TOX2: variants seen among roughly 807,000 people sequenced by gnomAD.
TOX2 encodes the protein granulosa cell HMG box 1.
A neutral mutation model predicts 47.4 loss-of-function variants in TOX2; 15 were observed. The observed-to-expected ratio is 0.32, with a 90% CI of 0.21 to 0.49. The LOEUF (loss-of-function observed/expected upper bound fraction) is 0.49, where lower values mean the gene tolerates loss of function less well. Among genes scored for constraint, TOX2 ranks in the 20% least tolerant of loss-of-function variants. The pLI is 0.99. For synonymous variants in TOX2, 290 were observed against 296.6 expected, an observed-to-expected ratio of 0.98 and a Z score of 0.23; for missense variants, 622 against 673.1, an observed-to-expected ratio of 0.92 and a Z score of 0.84.
At chr20:44,051,284 C>T in intron 3 of TOX2, 22 bp from the exon 4 acceptor site, 1 of 1,577,268 alleles carries the variant, frequency 6.3e-7, no homozygotes, top group South Asian at 1.2e-5. Context: ...CCTAACTCAA[C>T]CCTCCTGTCC....
chr20:44,025,075 CATTTAGGCT>C (rs2071039172), intron 3 of TOX2, among the ~76,000 whole-genome samples: 1 of 152,144 alleles, frequency 6.6e-6, no homozygotes, highest in African/African-American at 2.4e-5. Flanking sequence ...TGTTGATGGA[CATTTAGGCT>C]ATTTCTGATC....
chr20:43,992,334 A>C (rs1258572854), intron 2 of TOX2, among the ~76,000 whole-genome samples: 1 of 152,198 alleles, frequency 6.6e-6, no homozygotes, highest in Admixed American at 6.5e-5. Flanking sequence ...ATCAGGAGTG[A>C]TCGTGTAGGA....
chr20:43,934,167 G>GAGAGAGAGAGAGAGAGAGAGA lies in TOX2; in HGVS notation c.99+19178_99+19179insGAGAGAGAGAGAGAGAGAGAA, dbSNP rs1325521677. Among the ~76,000 whole-genome samples, 205 of 149,860 alleles carry GAGAGAGAGAGAGAGAGAGAGA rather than the reference G, an allele frequency of 1.4e-3. 1 individual carries two copies. Among genetic ancestry groups the GAGAGAGAGAGAGAGAGAGAGA allele is most frequent in the African/African-American group, 4.8e-3 (195 of 40,430 alleles). On this transcript the variant is annotated intron_variant, in intron 1 of 8. Transcript: ENST00000341197. ...AGAGAGAGAGAGAGAGAGAGAGAGA[G>GAGAGAGAGAGAGAGAGAGAGA]ACCTGCCCTCAGTCAGAAATGGCAG...
At chr20:44,007,219 A>T (rs1600730010) in intron 3 of TOX2, 1 of 181,122 alleles carries the variant, frequency 5.5e-6, no homozygotes, top group East Asian at 1.6e-4. Context: ...TGATTTTAGA[A>T]CATTTCATCA....
At chr20:44,063,183 G>T (rs1569150236) in intron 5 of TOX2, among the ~76,000 whole-genome samples, 1 of 152,090 alleles carries the variant, frequency 6.6e-6, no homozygotes, top group Admixed American at 6.5e-5. Flanking sequence ...AAAAGAACCA[G>T]CAGGGTAAAC....
chr20:43,926,470 C>T (rs918800391), intron 1 of TOX2, among the ~76,000 whole-genome samples: 2 of 152,156 alleles, frequency 1.3e-5, no homozygotes, highest in African/African-American at 4.8e-5. Flanking sequence ...ATCACAATTG[C>T]ATCTCAGGTT....
At chr20:44,008,652 A>T (rs1306860024) in intron 3 of TOX2, among the ~76,000 whole-genome samples, 1 of 152,024 alleles carries the variant, frequency 6.6e-6, no homozygotes, top group Non-Finnish European at 1.5e-5. Flanking sequence ...CCACAGAAAA[A>T]TCTCCTTAAG....
rs564044565 is a variant in TOX2 at position 43,949,266 on chromosome 20, AC to A, written c.100-24099del. Among the ~76,000 whole-genome samples, 36 of 152,214 alleles carry A rather than the reference AC, an allele frequency of 2.4e-4. 1 individual carries two copies. In the South Asian group the frequency reaches 7.5e-3, roughly 32 times the overall value. ...TCCAACTGCACTTGCTGCTGGCTGT[AC>A]CTTCAGGGTGCAATGACTTCTCCCC... is the stretch of plus-strand genomic sequence containing the variant. On this transcript the variant is annotated intron_variant, in intron 1 of 8. Coordinates refer to ENST00000341197, the MANE Select transcript of TOX2 (RefSeq NM_001098797.2).
At chr20:43,924,913 A>C (rs960421609) in intron 1 of TOX2, among the ~76,000 whole-genome samples, 3 of 152,204 alleles carry the variant, frequency 2.0e-5, no homozygotes, top group African/African-American at 7.2e-5. Context: ...TCCACTGAAA[A>C]GGGAGTGGAG....
chr20:44,007,710 T>A (rs2070711939), intron 3 of TOX2, among the ~76,000 whole-genome samples: 1 of 152,082 alleles, frequency 6.6e-6, no homozygotes. Flanking sequence ...TGTGGTGGCA[T>A]GTACCTGTAG....
chr20:43,915,075 G>T lies in TOX2; in HGVS notation c.99+85G>T. On this transcript the variant is annotated intron_variant, in intron 1 of 8. Coordinates refer to ENST00000341197, the MANE Select transcript of TOX2 (RefSeq NM_001098797.2). The surrounding 1 kb of genome is among the most constrained non-coding windows in gnomAD (Gnocchi z 7.1). Reference sequence around the variant, plus strand: ...GACTCAGGCGCTCCCGGGGTCACACGGGGCCGCGCACATCAGCCCCGCCGA... The same window carrying T: ...GACTCAGGCGCTCCCGGGGTCACACTGGGCCGCGCACATCAGCCCCGCCGA... 2.4e-6 allele frequency: 2 copies of T among 820,494 alleles called. No homozygotes were observed. Among genetic ancestry groups the T allele is most frequent in the Non-Finnish European group, 3.1e-6 (2 of 647,544 alleles). 50.8% of individuals were successfully genotyped at this position (820,494 alleles called of 1,614,324 possible).
At chr20:44,056,790 ATTTAT>A (rs974233204) in intron 5 of TOX2, among the ~76,000 whole-genome samples, 5 of 152,300 alleles carry the variant, frequency 3.3e-5, no homozygotes, top group South Asian at 2.1e-4. Flanking sequence ...CAAGCTTACT[ATTTAT>A]TTTATCATTT....
chr20:43,983,119 A>G (rs2070197255), intron 2 of TOX2, among the ~76,000 whole-genome samples: 1 of 151,916 alleles, frequency 6.6e-6, no homozygotes, highest in Admixed American at 6.5e-5. Context: ...CGCAGCACCC[A>G]GTGTGGCCCC....
intron 1 of TOX2, among the ~76,000 whole-genome samples, chr20:43,957,832 G>A (rs1213982413): frequency 2.0e-5 from 3 of 152,132 alleles, no homozygotes; most frequent in Admixed American, 6.5e-5. Context: ...TGAAAGGGTG[G>A]CAGGTACACT....
intron 5 of TOX2, among the ~76,000 whole-genome samples, chr20:44,063,287 A>G (rs2071753019): frequency 6.6e-6 from 1 of 152,186 alleles, no homozygotes; most frequent in African/African-American, 2.4e-5. Context: ...AATCAGCAAG[A>G]AAAAAACAAT....
At position 44,049,282 on chromosome 20, in the gene TOX2, T is replaced by G. The variant is rs73275298; in HGVS notation, c.412-2024T>G. On this transcript the variant is annotated intron_variant, in intron 3 of 8. Transcript: ENST00000341197. ...GATGGAATGGAAAAATATACTGCTG[T>G]ATTCATCTGCAAACATAGCCTATTC... 4.2e-3 allele frequency among the ~76,000 whole-genome samples: 646 copies of G among 152,340 alleles called. 2 individuals carry two copies. Among genetic ancestry groups the G allele is most frequent in the African/African-American group, 0.015 (609 of 41,562 alleles).
At position 44,026,242 on chromosome 20, in the gene TOX2, TATATATAG is replaced by T. The variant is rs201635504; in HGVS notation, c.411+19452_411+19459del. ...AAAGAAACTGTGATATATATATATA[TATATATAG>T]ACACACACACACACAATGGAATACT... On this transcript the variant is annotated intron_variant, in intron 3 of 8. Coordinates refer to ENST00000341197, the MANE Select transcript of TOX2 (RefSeq NM_001098797.2). Among the ~76,000 whole-genome samples, 9 of 101,278 alleles carry T rather than the reference TATATATAG, an allele frequency of 8.9e-5. 1 individual carries two copies. The highest frequency in any genetic ancestry group is 4.0e-4 in the African/African-American group (9 of 22,364). The allele number at this position is 101,278 out of a possible 152,430, so 66.4% of individuals were successfully genotyped here. A position where few individuals can be genotyped will look rare whatever the true frequency, so the allele number is the denominator to read the frequency against.
chr20:44,026,914 C>T (rs564347506), intron 3 of TOX2, among the ~76,000 whole-genome samples: 2 of 152,292 alleles, frequency 1.3e-5, no homozygotes, highest in East Asian at 3.9e-4. Flanking sequence ...TTCCTGCCGC[C>T]TCCTCCCCAC....
chr20:44,044,761 C>A (rs2071388590), intron 3 of TOX2, among the ~76,000 whole-genome samples: 1 of 152,102 alleles, frequency 6.6e-6, no homozygotes, highest in Admixed American at 6.6e-5. Flanking sequence ...TATGATACGG[C>A]AATTGGAATT....
Sources: allele counts gnomAD v4.1 joint callset (sites outside exome capture counted in the v4.1 genomes callset), GRCh38; gene constraint gnomAD v4.1.1; non-coding constraint Gnocchi (gnomAD v3.1); transcripts MANE v1.5; gene names NCBI Gene and HGNC (gene_info 2026-07-23, HGNC 2026-07-21).